The following RNGTT variants were observed in gnomAD, a reference collection of about 807,000 sequenced individuals.
RNGTT encodes the protein RNA guanylyltransferase and 5'-phosphatase.
Under a neutral mutation model 79.3 loss-of-function variants are expected in RNGTT, and 33 were observed. That is an observed-to-expected ratio of 0.42 (90% CI 0.32 to 0.56). The LOEUF (loss-of-function observed/expected upper bound fraction) is 0.56. RNGTT is among the 20% of genes least tolerant of loss of function. RNGTT has a pLI of 0.17. For synonymous variants in RNGTT, 222 were observed against 235.9 expected (o/e 0.94, Z 0.54); for missense variants, 497 against 739.1 (o/e 0.67, Z 3.80).
chr6:88,745,691 C>T (rs1777638388), intron 13 of RNGTT, among the ~76,000 whole-genome samples: 1 of 151,762 alleles, frequency 6.6e-6, no homozygotes, highest in African/African-American at 2.4e-5. Context: ...ATTATTCCTT[C>T]TTCATTACAT....
intron 8 of RNGTT, among the ~76,000 whole-genome samples, chr6:88,885,510 A>C (rs1168574010): frequency 6.6e-6 from 1 of 152,238 alleles, no homozygotes; most frequent in Admixed American, 6.5e-5. Flanking sequence ...GAAATGAGAA[A>C]GAAGGGAAAG....
chr6:88,673,155 GT>G (rs1362088706), intron 14 of RNGTT, among the ~76,000 whole-genome samples: 3 of 152,170 alleles, frequency 2.0e-5, no homozygotes, highest in Non-Finnish European at 2.9e-5. Flanking sequence ...CTTAAGTCCT[GT>G]GATGTTAATG....
intron 13 of RNGTT, among the ~76,000 whole-genome samples, chr6:88,748,429 C>T (rs756434049): frequency 6.6e-5 from 10 of 151,988 alleles, no homozygotes; most frequent in Non-Finnish European, 1.0e-4. Context: ...ATCTGCTTGG[C>T]TAACTCCCTC....
chr6:88,712,983 A>C (rs1776369907), intron 13 of RNGTT, among the ~76,000 whole-genome samples: 1 of 152,206 alleles, frequency 6.6e-6, no homozygotes, highest in Admixed American at 6.5e-5. Context: ...TGAATCTAGA[A>C]TTCAGGCCCT....
At chr6:88,755,235 T>C (rs1305301650) in intron 13 of RNGTT, among the ~76,000 whole-genome samples, 1 of 151,826 alleles carries the variant, frequency 6.6e-6, no homozygotes, top group Non-Finnish European at 1.5e-5. Context: ...TCTGAGAAAA[T>C]TACTCCAAAG....
At chr6:88,876,901 T>C (rs189861263) in intron 8 of RNGTT, among the ~76,000 whole-genome samples, 60 of 152,336 alleles carry the variant, frequency 3.9e-4, no homozygotes, top group African/African-American at 1.3e-3. Flanking sequence ...ATTTTGGTAA[T>C]AGGTAATAAA....
intron 14 of RNGTT, among the ~76,000 whole-genome samples, chr6:88,644,179 G>A (rs780246422): frequency 8.5e-5 from 13 of 152,216 alleles, no homozygotes; most frequent in African/African-American, 9.6e-5. Flanking sequence ...TATCACCACC[G>A]ATCCCACAGA....
intron 8 of RNGTT, among the ~76,000 whole-genome samples, chr6:88,878,177 C>A (rs573319220): frequency 6.6e-6 from 1 of 152,108 alleles, no homozygotes; most frequent in African/African-American, 2.4e-5. Context: ...CTCACTGCAA[C>A]CTCCGCCTCC....
At chr6:88,836,299 T>C (rs562061994) in intron 11 of RNGTT, among the ~76,000 whole-genome samples, 104 of 151,244 alleles carry the variant, frequency 6.9e-4, no homozygotes, top group African/African-American at 2.4e-3. Context: ...GATAATATTC[T>C]CTCATGTCAC....
chr6:88,829,945 A>G (rs999281960), intron 11 of RNGTT, among the ~76,000 whole-genome samples: 2 of 152,118 alleles, frequency 1.3e-5, no homozygotes, highest in African/African-American at 4.8e-5. Context: ...ATAGTGGGAG[A>G]CTTTTAACAC....
chr6:88,885,234 C>G (rs1782819467), intron 8 of RNGTT, among the ~76,000 whole-genome samples: 1 of 152,010 alleles, frequency 6.6e-6, no homozygotes, highest in South Asian at 2.1e-4. Flanking sequence ...TTTCTAAATA[C>G]CACTCCTTAG....
chr6:88,697,984 TATATATATGAAATACATATATG>T (rs1369528536), intron 13 of RNGTT, among the ~76,000 whole-genome samples: 295 of 105,590 alleles, frequency 2.8e-3, no homozygotes, highest in Middle Eastern at 5.5e-3. Context: ...ATATATATGA[TATATATATGAAATACATATATG>T]ATATATATAT....
intron 13 of RNGTT, among the ~76,000 whole-genome samples, chr6:88,708,277 T>G (rs1191470879): frequency 6.6e-6 from 1 of 152,058 alleles, no homozygotes; most frequent in Non-Finnish European, 1.5e-5. Flanking sequence ...TCAAATTAGT[T>G]TTTTGCATCA....
chr6:88,815,468 G>A (rs549259535), intron 11 of RNGTT, among the ~76,000 whole-genome samples: 1 of 152,282 alleles, frequency 6.6e-6, no homozygotes, highest in South Asian at 2.1e-4. Context: ...GGGGACCTCA[G>A]TATCTAAAGC....
rs537821583 is a variant in RNGTT at position 88,936,984 on chromosome 6, T to C, written c.174+4087A>G. 6.2e-4 allele frequency among the ~76,000 whole-genome samples: 95 copies of C among 152,308 alleles called. 1 individual carries two copies. The highest frequency in any genetic ancestry group is 2.2e-3 in the African/African-American group (90 of 41,558). On this transcript the variant is annotated intron_variant, in intron 2 of 15. Coordinates refer to ENST00000369485, the MANE Select transcript of RNGTT (RefSeq NM_003800.5). Reference sequence around the variant, plus strand: ...TTCTTCCTGATTCAATCTTGGTAGGTTGCATATATCTAGGAACTTATCCAC... The same window carrying C: ...TTCTTCCTGATTCAATCTTGGTAGGCTGCATATATCTAGGAACTTATCCAC...
chr6:88,844,588 G>C (rs920943338), intron 10 of RNGTT, 67 bp from the exon 11 acceptor site: 40 of 1,446,652 alleles, frequency 2.8e-5, no homozygotes, highest in Non-Finnish European at 9.5e-7. Context: ...AATTATCAAG[G>C]CTGCCACAAT....
At chr6:88,681,491 A>T (rs1554204567) in intron 13 of RNGTT, among the ~76,000 whole-genome samples, 1 of 152,306 alleles carries the variant, frequency 6.6e-6, no homozygotes, top group Middle Eastern at 3.4e-3. Context: ...GTCATAATTT[A>T]AAGGCCTGCT....
At position 88,928,854 on chromosome 6, in the gene RNGTT, T is replaced by C. The variant is rs80193101; in HGVS notation, c.367+131A>G. 8.1e-4 allele frequency: 498 copies of C among 615,754 alleles called. 1 individual carries two copies. The African/African-American group carries it at 8.4e-3, about 10-fold the overall frequency. The allele number at this position is 615,754 out of a possible 1,614,324, so 38.1% of individuals were successfully genotyped here. A position where few individuals can be genotyped will look rare whatever the true frequency, so the allele number is the denominator to read the frequency against. ...ACATAATTCACAAGTCAATCTCTCA[T>C]TTTAATAAACACTACTTGGTCATTA... On this transcript the variant is annotated intron_variant, in intron 4 of 15. Transcript: ENST00000369485.
At chr6:88,928,179 T>C (rs932635494) in intron 4 of RNGTT, among the ~76,000 whole-genome samples, 8 of 152,000 alleles carry the variant, frequency 5.3e-5, no homozygotes, top group Non-Finnish European at 1.5e-5. Context: ...AGCACTGCAC[T>C]CCGGCCCGGG....
Sources: allele counts gnomAD v4.1 joint callset (sites outside exome capture counted in the v4.1 genomes callset), GRCh38; gene constraint gnomAD v4.1.1; transcripts MANE v1.5; gene names NCBI Gene and HGNC (gene_info 2026-07-23, HGNC 2026-07-21).